ATRNL1: variants seen among roughly 807,000 people sequenced by gnomAD.
ATRNL1 encodes the protein attractin-like protein 1.
In ATRNL1, 95 loss-of-function variants were observed where a neutral mutation model predicts 182.7. The ratio of observed to expected loss-of-function variants is 0.52; its 90% CI spans 0.44 to 0.62. ATRNL1 has a LOEUF of 0.62. Ranked by LOEUF, ATRNL1 falls within the 20% of genes least tolerant of loss-of-function variation. ATRNL1 has a pLI of 0.00. For synonymous variants in ATRNL1, 576 were observed against 568.3 expected, an observed-to-expected ratio of 1.01 and a Z score of -0.19; for missense variants, 1,471 against 1,679.5, an observed-to-expected ratio of 0.88 and a Z score of 2.17.
chr10:115,281,539 G>A (rs1852361880), intron 14 of ATRNL1, 52 bp downstream of exon 14: 1 of 1,545,364 alleles, frequency 6.5e-7, no homozygotes, highest in Non-Finnish European at 8.8e-7. Flanking sequence ...GATAAATACT[G>A]ACATAGAAAA....
intron 28 of ATRNL1, among the ~76,000 whole-genome samples, chr10:115,904,938 A>G (rs373858846): frequency 1.3e-5 from 2 of 152,184 alleles, no homozygotes; most frequent in East Asian, 3.9e-4. Flanking sequence ...ATTGATACAT[A>G]AGACGAGTTA....
chr10:115,942,231 A>C (rs1271219429), intron 28 of ATRNL1, among the ~76,000 whole-genome samples: 2 of 152,200 alleles, frequency 1.3e-5, no homozygotes, highest in African/African-American at 4.8e-5. Flanking sequence ...TAATTCTGTT[A>C]TGTAGATAAG....
intron 24 of ATRNL1, among the ~76,000 whole-genome samples, chr10:115,508,048 C>T (rs1054712267): frequency 6.6e-6 from 1 of 151,964 alleles, no homozygotes; most frequent in Admixed American, 6.6e-5. Flanking sequence ...CAAGTCTGTT[C>T]GTGCAATTTT....
At chr10:115,307,902 T>C (rs1853813603) in intron 17 of ATRNL1, among the ~76,000 whole-genome samples, 1 of 150,590 alleles carries the variant, frequency 6.6e-6, no homozygotes, top group Non-Finnish European at 1.5e-5. Context: ...CTTTATGACT[T>C]TTCAGGATAA....
chr10:115,858,033 G>A (rs1300179587), intron 28 of ATRNL1, among the ~76,000 whole-genome samples: 1 of 152,298 alleles, frequency 6.6e-6, no homozygotes, highest in Middle Eastern at 3.4e-3. Context: ...AAAATGTGTT[G>A]CAATACCCAA....
At position 115,300,094 on chromosome 10, in the gene ATRNL1, A is replaced by G. The variant is rs782574311; in HGVS notation, c.2476A>G (p.Met826Val). The change falls in exon 16 of 29, where the codon ATG becomes GTG. Residue 826 changes from methionine to valine, a missense_variant. Coordinates refer to ENST00000355044, the MANE Select transcript of ATRNL1 (RefSeq NM_207303.4). ...INISYWGWED[M>V]SPFTNTTLQW... ...TATATCCTATTGGGGATGGGAAGACATGTCTCCTTTTACAAACACAACACT... is the reference window on the plus strand; with the variant it reads ...TATATCCTATTGGGGATGGGAAGACGTGTCTCCTTTTACAAACACAACACT... The G allele has an allele frequency of 6.2e-7, 1 of 1,614,082 alleles. No individual in the cohort carries two copies. Among genetic ancestry groups the G allele is most frequent in the Non-Finnish European group, 8.5e-7 (1 of 1,179,946 alleles).
intron 28 of ATRNL1, among the ~76,000 whole-genome samples, chr10:115,940,973 T>A (rs1953714031): frequency 6.6e-6 from 1 of 152,206 alleles, no homozygotes; most frequent in South Asian, 2.1e-4. Flanking sequence ...TAAAGAAGAA[T>A]AACTCATGAT....
intron 28 of ATRNL1, among the ~76,000 whole-genome samples, chr10:115,937,199 A>G (rs1190504623): frequency 6.6e-6 from 1 of 152,194 alleles, no homozygotes; most frequent in African/African-American, 2.4e-5. Context: ...CTGGAGTAGG[A>G]TAACATTTTC....
rs185564995 is a variant in ATRNL1, at chr10:115,322,719, G to T, written c.3037+6983G>T. On this transcript the variant is annotated intron_variant, in intron 18 of 28. Transcript: ENST00000355044. ...ATTCTCCTAATTTTTTAATATTTAG[G>T]AATGTCATTATTTCTCCAATTTTCT... Among the ~76,000 whole-genome samples the T allele has an allele frequency of 3.9e-5, 6 of 152,070 alleles. No individual in the cohort carries two copies. The East Asian group carries it at 9.7e-4, about 25-fold the overall frequency.
In ATRNL1 at chr10:115,568,204, A is replaced by G. The variant is rs185623458; in HGVS notation, c.3795+18668A>G. ...GCTCTTTTGTTCAGGCTATTAAATCATAGTGATATGTGTTATTTCAGCTAG... is the reference window on the plus strand; with the variant it reads ...GCTCTTTTGTTCAGGCTATTAAATCGTAGTGATATGTGTTATTTCAGCTAG... On this transcript the variant is annotated intron_variant, in intron 26 of 28. Coordinates refer to ENST00000355044, the MANE Select transcript of ATRNL1 (RefSeq NM_207303.4). Among the ~76,000 whole-genome samples, 589 of 152,182 alleles carry G rather than the reference A, an allele frequency of 3.9e-3. 5 individuals are homozygous for G. Among genetic ancestry groups the G allele is most frequent in the African/African-American group, 0.013 (559 of 41,556 alleles).
intron 19 of ATRNL1, among the ~76,000 whole-genome samples, chr10:115,380,734 C>G (rs1554950839): frequency 6.6e-6 from 1 of 152,106 alleles, no homozygotes; most frequent in Non-Finnish European, 1.5e-5. Flanking sequence ...AGACAAAATT[C>G]AATTATAATA....
At chr10:115,519,373 A>G (rs782757615) in intron 25 of ATRNL1, 49 bp downstream of exon 25, 4 of 1,432,866 alleles carry the variant, frequency 2.8e-6, no homozygotes, top group Middle Eastern at 1.8e-4. Context: ...CTGTATTCTG[A>G]TATATGTCCT....
At chr10:115,663,089 C>A (rs2133909302) in intron 26 of ATRNL1, among the ~76,000 whole-genome samples, 1 of 152,108 alleles carries the variant, frequency 6.6e-6, no homozygotes, top group East Asian at 1.9e-4. Flanking sequence ...AACTCGTTTT[C>A]TCTTTGTAAC....
intron 14 of ATRNL1, among the ~76,000 whole-genome samples, chr10:115,284,723 G>A (rs1852525237): frequency 6.6e-6 from 1 of 152,114 alleles, no homozygotes; most frequent in South Asian, 2.1e-4. Flanking sequence ...ACGGCTATCT[G>A]TTGTATGCTA....
At chr10:115,098,627 A>G (rs1167069929) in intron 1 of ATRNL1, among the ~76,000 whole-genome samples, 1 of 151,572 alleles carries the variant, frequency 6.6e-6, no homozygotes, top group Non-Finnish European at 1.5e-5. Context: ...ACGCCCGGCT[A>G]ATTTTTTGTT....
chr10:115,918,527 TATTTC>T (rs1423638527), intron 28 of ATRNL1, among the ~76,000 whole-genome samples: 1 of 152,242 alleles, frequency 6.6e-6, no homozygotes, highest in African/African-American at 2.4e-5. Flanking sequence ...TCAAGGCAAT[TATTTC>T]AGTAACTTTA....
At chr10:115,256,082 A>G (rs1474877498) in intron 10 of ATRNL1, among the ~76,000 whole-genome samples, 1 of 152,180 alleles carries the variant, frequency 6.6e-6, no homozygotes, top group Non-Finnish European at 1.5e-5. Context: ...CATCAGGGAT[A>G]TTGGTCTAAA....
At chr10:115,651,271 C>G (rs1555034265) in intron 26 of ATRNL1, among the ~76,000 whole-genome samples, 1 of 152,178 alleles carries the variant, frequency 6.6e-6, no homozygotes, top group African/African-American at 2.4e-5. Flanking sequence ...ACTATGCTCA[C>G]TACCTGGGTG....
chr10:115,673,495 GTGGTATCTCCATTGGTAAAGATGAT>G (rs1945764185), intron 26 of ATRNL1, among the ~76,000 whole-genome samples: 1 of 151,990 alleles, frequency 6.6e-6, no homozygotes, highest in South Asian at 2.1e-4. Flanking sequence ...CTAGAAAACA[GTGGTATCTCCATTGGTAAAGATGAT>G]TGGAATGGTG....
Sources: gnomAD v4.1 joint callset for allele counts (sites outside exome capture counted in the v4.1 genomes callset) on GRCh38, gnomAD v4.1.1 for gene constraint, MANE v1.5 for transcripts, NCBI Gene and HGNC (gene_info 2026-07-23, HGNC 2026-07-21) for gene names.